Variants in GASK1B observed in about 807,000 individuals in gnomAD.
The protein encoded by GASK1B is Golgi-associated kinase 1B.
Under a neutral mutation model 42.8 loss-of-function variants are expected in GASK1B, and 34 were observed. The observed-to-expected ratio is 0.79, with a 90% CI of 0.60 to 1.06. The LOEUF is 1.06. Ranked by LOEUF, GASK1B falls within the 50% of genes least tolerant of loss-of-function variation. The pLI is 0.00. For missense variants in GASK1B, 686 were observed against 661.0 expected, an observed-to-expected ratio of 1.04 and a Z score of -0.42; for synonymous variants, 262 against 259.1, an observed-to-expected ratio of 1.01 and a Z score of -0.11.
chr4:158,143,953 T>G (rs1731232498), intron 3 of GASK1B, among the ~76,000 whole-genome samples: 1 of 152,132 alleles, frequency 6.6e-6, no homozygotes, highest in Admixed American at 6.5e-5. Context: ...TAAGTCAAAT[T>G]TCCTTGTTAC....
chr4:158,131,331 G>A (rs530849538), intron 3 of GASK1B, among the ~76,000 whole-genome samples: 1 of 152,286 alleles, frequency 6.6e-6, no homozygotes, highest in African/African-American at 2.4e-5. Context: ...CTGACTCCAC[G>A]CACAGCAGAA....
intron 3 of GASK1B, among the ~76,000 whole-genome samples, chr4:158,142,967 G>A (rs1054217134): frequency 4.6e-5 from 7 of 152,118 alleles, no homozygotes. Context: ...CACAAAGTGT[G>A]GGCATTATTT....
intron 2 of GASK1B, among the ~76,000 whole-genome samples, chr4:158,161,083 A>G (rs1361976555): frequency 6.6e-6 from 1 of 152,088 alleles, no homozygotes; most frequent in Non-Finnish European, 1.5e-5. Flanking sequence ...TATCAAAATT[A>G]CTAAAAGAAT....
At chr4:158,143,211 GAT>G (rs1202406132) in intron 3 of GASK1B, among the ~76,000 whole-genome samples, 1 of 152,180 alleles carries the variant, frequency 6.6e-6, no homozygotes, top group Non-Finnish European at 1.5e-5. Flanking sequence ...AGTAGACAGA[GAT>G]AGAGATTTAA....
chr4:158,134,693 A>T (rs1730813705), intron 3 of GASK1B, among the ~76,000 whole-genome samples: 1 of 152,110 alleles, frequency 6.6e-6, no homozygotes, highest in South Asian at 2.1e-4. Context: ...TGGTGGTGGG[A>T]TATTTTTAGA....
intron 3 of GASK1B, among the ~76,000 whole-genome samples, chr4:158,149,923 C>CTTGTTTTTTTTTTTTTTTTTTTTT (rs1731483986): frequency 1.5e-5 from 1 of 67,178 alleles, no homozygotes; most frequent in African/African-American, 6.1e-5. Context: ...CTGCATGCTG[C>CTTGTTTTTTTTTTTTTTTTTTTTT]TTTTTTTTTT....
chr4:158,170,949 C>T lies in GASK1B; in HGVS notation c.427G>A (p.Glu143Lys). Residue 143 changes from glutamate (E) to lysine (K), a missense_variant, in exon 2 of 5, where the codon GAG (glutamate) becomes AAG (lysine). Coordinates refer to ENST00000585682, the MANE Select transcript of GASK1B (RefSeq NM_001128424.2). ...HAVASAAPGQ[E>K]ALVGPSLQPQ... ...TGAAGGGATGGTCCGACCAAAGCCTCCTGCCCTGGGGCAGCCGATGCCACT... is the reference window on the plus strand; with the variant it reads ...TGAAGGGATGGTCCGACCAAAGCCTTCTGCCCTGGGGCAGCCGATGCCACT... 1 of 1,614,234 alleles carries T rather than the reference C, an allele frequency of 6.2e-7. No individual in the cohort carries two copies. The highest frequency in any genetic ancestry group is 8.5e-7 in the Non-Finnish European group (1 of 1,180,044).
rs1258924919 is a variant in GASK1B at position 158,171,109 on chromosome 4, G to A, written c.267C>T (p.Thr89=). The change falls in exon 2 of 5, where the codon ACC becomes ACT. Residue 89 remains threonine (T), a synonymous_variant. Coordinates refer to ENST00000585682, the MANE Select transcript of GASK1B (RefSeq NM_001128424.2). ...PSFPEIPLDG[T]LAPPESQGNG... ...TGCCCTGGGACTCTGGAGGGGCCAG[G>A]GTACCATCCAGGGGTATCTCAGGGA... 12 of 1,609,546 alleles carry A rather than the reference G, an allele frequency of 7.5e-6. No homozygotes were observed. The South Asian group carries it at 1.1e-4, about 15-fold the overall frequency.
chr4:158,155,926 C>G, intron 2 of GASK1B, 101 bp from the exon 3 acceptor site: 1 of 883,486 alleles, frequency 1.1e-6, no homozygotes, highest in Non-Finnish European at 1.8e-6. Context: ...GCTCACCTAT[C>G]AAATGTGAGA....
rs1032924775 is a variant in GASK1B, at chr4:158,124,602, T to C, written c.*2805A>G. 17 of 152,188 alleles carry C rather than the reference T, an allele frequency of 1.1e-4. No homozygotes were observed. Among genetic ancestry groups the C allele is most frequent in the African/African-American group, 4.1e-4 (17 of 41,460 alleles). The allele number at this position is 152,188 out of a possible 1,614,324, so 9.4% of individuals were successfully genotyped here. ...GTGTGTAAATAAATCTACTTCTAGG[T>C]ATTTTATTCGTTATGTATAAGGTAA... On this transcript the variant is annotated 3_prime_UTR_variant, in exon 5 of 5. Coordinates refer to ENST00000585682, the MANE Select transcript of GASK1B (RefSeq NM_001128424.2).
chr4:158,153,807 A>C (rs935717729), intron 3 of GASK1B, among the ~76,000 whole-genome samples: 3 of 152,250 alleles, frequency 2.0e-5, no homozygotes, highest in Non-Finnish European at 4.4e-5. Flanking sequence ...AGCCACATGT[A>C]GAAGAATGAA....
At chr4:158,137,493 C>A (rs1172041917) in intron 3 of GASK1B, among the ~76,000 whole-genome samples, 1 of 152,174 alleles carries the variant, frequency 6.6e-6, no homozygotes, top group Non-Finnish European at 1.5e-5. Flanking sequence ...TAATAACTTA[C>A]ACTGGAAAAT....
rs1297517507 is a variant in GASK1B, at chr4:158,170,608, A to T, written c.768T>A (p.Ala256=). The T allele has an allele frequency of 1.2e-6, 2 of 1,613,872 alleles. No homozygotes were observed. Among genetic ancestry groups the T allele is most frequent in the East Asian group, 2.2e-5 (1 of 44,882 alleles). The change falls in exon 2 of 5, where the codon GCT becomes GCA. Residue 256 remains alanine (A), a synonymous_variant. Coordinates refer to ENST00000585682, the MANE Select transcript of GASK1B (RefSeq NM_001128424.2). The part of the protein sequence containing the change: ...LLVLEGGAPG[A]VLRCGPSPCG... Reference sequence around the variant, plus strand: ...AGGGGCTAGGGCCACAGCGGAGCACAGCGCCAGGTGCGCCCCCCTCCAGCA... The same window carrying T: ...AGGGGCTAGGGCCACAGCGGAGCACTGCGCCAGGTGCGCCCCCCTCCAGCA...
At chr4:158,136,427 A>C (rs974472615) in intron 3 of GASK1B, among the ~76,000 whole-genome samples, 5 of 152,184 alleles carry the variant, frequency 3.3e-5, no homozygotes, top group African/African-American at 1.2e-4. Context: ...TTATTTTCTC[A>C]TGCAGAGCTG....
chr4:158,129,796 T>A (rs927487928), intron 4 of GASK1B, among the ~76,000 whole-genome samples: 6 of 152,100 alleles, frequency 3.9e-5, no homozygotes, highest in Non-Finnish European at 7.4e-5. Flanking sequence ...TATTTTTAGG[T>A]CTCCACCCTA....
At chr4:158,160,962 T>C (rs1480784712) in intron 2 of GASK1B, among the ~76,000 whole-genome samples, 2 of 151,276 alleles carry the variant, frequency 1.3e-5, no homozygotes, top group African/African-American at 4.9e-5. Flanking sequence ...GGAGAGGGGG[T>C]TAGATGGGAA....
At chr4:158,127,951 G>A (rs576258683) in intron 4 of GASK1B, among the ~76,000 whole-genome samples, 1 of 152,164 alleles carries the variant, frequency 6.6e-6, no homozygotes, top group Non-Finnish European at 1.5e-5. Context: ...TTTCACCTGT[G>A]GAAACCCCTT....
At chr4:158,163,400 C>A (rs765427829) in intron 2 of GASK1B, among the ~76,000 whole-genome samples, 1 of 152,068 alleles carries the variant, frequency 6.6e-6, no homozygotes, top group African/African-American at 2.4e-5. Context: ...GAAACCCTGT[C>A]TCTACTAAAA....
rs751506350 is a variant in GASK1B at position 158,130,805 on chromosome 4, ATTTGAAG to A, written c.1326_1332del (p.Phe443CysfsTer2). 1 of 1,612,842 alleles carries A rather than the reference ATTTGAAG, an allele frequency of 6.2e-7. No individual in the cohort carries two copies. Among genetic ancestry groups the A allele is most frequent in the Non-Finnish European group, 8.5e-7 (1 of 1,179,768 alleles). ...ACTTACTCTTTGATGCCTTCTAACA[ATTTGAAG>A]TTTAAGTTATCTTCACTCCTGTCAA... is the stretch of plus-strand genomic sequence containing the variant. On this transcript the variant is annotated frameshift_variant, in exon 4 of 5. Transcript: ENST00000585682. LOFTEE classifies it high-confidence loss of function.
Sources: gnomAD v4.1 joint callset for allele counts (sites outside exome capture counted in the v4.1 genomes callset) on GRCh38, gnomAD v4.1.1 for gene constraint, MANE v1.5 for transcripts, NCBI Gene and HGNC (gene_info 2026-07-23, HGNC 2026-07-21) for gene names.